The following CACNA1C variants were observed in gnomAD, a reference collection of about 807,000 sequenced individuals.
The protein encoded by CACNA1C is voltage-dependent L-type calcium channel subunit alpha-1C.
A neutral mutation model predicts 229.0 loss-of-function variants in CACNA1C; 30 were observed. That is an observed-to-expected ratio of 0.13 (90% CI 0.10 to 0.18). The LOEUF (loss-of-function observed/expected upper bound fraction) is 0.18, where lower values mean the gene tolerates loss of function less well. Among genes scored for constraint, CACNA1C ranks in the 10% least tolerant of loss-of-function variants. The pLI is 1.00. For missense variants in CACNA1C, 1,658 were observed against 2,845.0 expected, an observed-to-expected ratio of 0.58 and a Z score of 9.49; for synonymous variants, 1,114 against 1,132.5, an observed-to-expected ratio of 0.98 and a Z score of 0.33.
intron 3 of CACNA1C, among the ~76,000 whole-genome samples, chr12:2,345,935 C>T (rs983414478): frequency 1.3e-5 from 2 of 152,196 alleles, no homozygotes; most frequent in East Asian, 1.9e-4. Flanking sequence ...GAAACCCACT[C>T]GCCTCCTCAG....
At chr12:2,362,647 C>T (rs1329833226) in intron 3 of CACNA1C, among the ~76,000 whole-genome samples, 1 of 152,192 alleles carries the variant, frequency 6.6e-6, no homozygotes, top group Admixed American at 6.5e-5. Flanking sequence ...GTGGAAGGCA[C>T]AGTAGGCACT....
chr12:2,250,495 A>G (rs576120443), intron 3 of CACNA1C, among the ~76,000 whole-genome samples: 3 of 152,306 alleles, frequency 2.0e-5, no homozygotes, highest in South Asian at 2.1e-4. Flanking sequence ...TTTTACATCC[A>G]TGATCTCATT....
At chr12:2,301,736 CTG>C (rs1592139318) in intron 3 of CACNA1C, among the ~76,000 whole-genome samples, 2 of 152,302 alleles carry the variant, frequency 1.3e-5, no homozygotes, top group East Asian at 1.9e-4. Flanking sequence ...TCCTGCCAGA[CTG>C]AGCCTGAAGG....
At position 2,135,964 on chromosome 12, in the gene CACNA1C, G is replaced by A. The variant is rs936831162; in HGVS notation, c.477+15534G>A. On this transcript the variant is annotated intron_variant, in intron 3 of 46. Coordinates refer to ENST00000399655, the MANE Select transcript of CACNA1C (RefSeq NM_000719.7). ...CTGTGCTAGCAATCAGCGAGACTCCGTGGGCGTAGGACCCTCCGAGCCAGG... is the reference window on the plus strand; with the variant it reads ...CTGTGCTAGCAATCAGCGAGACTCCATGGGCGTAGGACCCTCCGAGCCAGG... Among the ~76,000 whole-genome samples the A allele has an allele frequency of 5.1e-4, 76 of 149,734 alleles. 5 individuals are homozygous for A. Among genetic ancestry groups the A allele is most frequent in the Non-Finnish European group, 7.1e-4 (48 of 67,312 alleles).
At chr12:2,135,352 A>AGCTGCGTTCCTTTGGAGGAGGAGAGGC (rs2093182236) in intron 3 of CACNA1C, among the ~76,000 whole-genome samples, 2 of 146,232 alleles carry the variant, frequency 1.4e-5, no homozygotes, top group Admixed American at 6.8e-5. Context: ...GCTGGTGAGG[A>AGCTGCGTTCCTTTGGAGGAGGAGAGGC]GCTGCGTTCC....
At chr12:2,450,684 G>A (rs1231178674) in intron 4 of CACNA1C, among the ~76,000 whole-genome samples, 1 of 150,710 alleles carries the variant, frequency 6.6e-6, no homozygotes, top group Non-Finnish European at 1.5e-5. Context: ...CTAATCCCTT[G>A]TTACTCTGAG....
At chr12:2,202,791 C>T (rs887177319) in intron 3 of CACNA1C, among the ~76,000 whole-genome samples, 1 of 152,112 alleles carries the variant, frequency 6.6e-6, no homozygotes, top group Non-Finnish European at 1.5e-5. Context: ...GTCCTCTTCC[C>T]CATGAGCGGA....
At chr12:2,258,094 T>C (rs539466811) in intron 3 of CACNA1C, among the ~76,000 whole-genome samples, 69 of 152,364 alleles carry the variant, frequency 4.5e-4, no homozygotes, top group African/African-American at 1.5e-3. Flanking sequence ...CCTGCTGTGT[T>C]TGGGGTCTGC....
intron 3 of CACNA1C, among the ~76,000 whole-genome samples, chr12:2,219,705 T>G (rs1360312285): frequency 1.3e-5 from 2 of 152,204 alleles, no homozygotes; most frequent in African/African-American, 2.4e-5. Context: ...TGAATGACTA[T>G]GAAAGTTTCT....
intron 9 of CACNA1C, among the ~76,000 whole-genome samples, chr12:2,539,872 T>A (rs1204670667): frequency 1.3e-5 from 2 of 149,598 alleles, no homozygotes; most frequent in African/African-American, 5.0e-5. Context: ...AAGGAGGGTT[T>A]CATAAAGATG....
chr12:2,675,613 C>A lies in CACNA1C; in HGVS notation c.4828+971C>A, dbSNP rs2096767598. On this transcript the variant is annotated intron_variant, in intron 39 of 46. Coordinates refer to ENST00000399655, the MANE Select transcript of CACNA1C (RefSeq NM_000719.7). ...CTCTCTTGGCCAAGTTTAAATAATC[C>A]AAAGTATAGTTTTCCTCAATTTACA... Among the ~76,000 whole-genome samples the A allele has an allele frequency of 3.3e-5, 5 of 151,880 alleles. No homozygotes were observed. The South Asian group carries it at 1.0e-3, about 31-fold the overall frequency.
At chr12:2,299,022 A>AT in intron 3 of CACNA1C, among the ~76,000 whole-genome samples, 1 of 152,342 alleles carries the variant, frequency 6.6e-6, no homozygotes, top group East Asian at 1.9e-4. Context: ...TAGTGAGGGC[A>AT]TTAAAACATT....
chr12:2,653,706 G>A lies in CACNA1C; in HGVS notation c.4075-129G>A. On this transcript the variant is annotated intron_variant, in intron 32 of 46. Coordinates refer to ENST00000399655, the MANE Select transcript of CACNA1C (RefSeq NM_000719.7). The surrounding 1 kb of genome is among the most constrained non-coding windows in gnomAD (Gnocchi z 4.7). Reference sequence around the variant, plus strand: ...TCCCCGTAGTCCTGTGGGACTCTTGGAAGTGTCCCCCGGCCCAAACCGGGC... The same window carrying A: ...TCCCCGTAGTCCTGTGGGACTCTTGAAAGTGTCCCCCGGCCCAAACCGGGC... 1 of 739,072 alleles carries A rather than the reference G, an allele frequency of 1.4e-6. No individual in the cohort carries two copies. Among genetic ancestry groups the A allele is most frequent in the Non-Finnish European group, 2.4e-6 (1 of 423,428 alleles). 45.8% of individuals were successfully genotyped at this position (739,072 alleles called of 1,614,324 possible). A position where few individuals can be genotyped will look rare whatever the true frequency, so the allele number is the denominator to read the frequency against.
intron 3 of CACNA1C, among the ~76,000 whole-genome samples, chr12:2,391,237 T>C (rs2098474490): frequency 6.6e-6 from 1 of 152,182 alleles, no homozygotes; most frequent in Non-Finnish European, 1.5e-5. Flanking sequence ...GTGTTTGTGG[T>C]GCATCCACAC....
rs1184022807 is a variant in CACNA1C at position 2,678,111 on chromosome 12, G to T, written c.5091+244G>T. Reference sequence around the variant, plus strand: ...TCACTGGCTCTCAGAGAAGCGGGAAGGAACCGCCTTCCTAAGGGAAATGTT... The same window carrying T: ...TCACTGGCTCTCAGAGAAGCGGGAATGAACCGCCTTCCTAAGGGAAATGTT... On this transcript the variant is annotated intron_variant, in intron 41 of 46. Coordinates refer to ENST00000399655, the MANE Select transcript of CACNA1C (RefSeq NM_000719.7). The surrounding 1 kb of genome is among the most constrained non-coding windows in gnomAD (Gnocchi z 4.1). Among the ~76,000 whole-genome samples the T allele has an allele frequency of 1.3e-5, 2 of 152,190 alleles. No homozygotes were observed. Among genetic ancestry groups the T allele is most frequent in the Non-Finnish European group, 2.9e-5 (2 of 68,032 alleles).
At chr12:2,290,617 T>C (rs575856578) in intron 3 of CACNA1C, among the ~76,000 whole-genome samples, 2 of 152,320 alleles carry the variant, frequency 1.3e-5, no homozygotes, top group East Asian at 3.9e-4. Flanking sequence ...TGATTAATTG[T>C]ACTGTCCATG....
At position 2,467,739 on chromosome 12, in the gene CACNA1C, G is replaced by A. The variant is rs1346115994; in HGVS notation, c.757+10033G>A. ...CCGGTGTCTCCTGATCTCCCAGTGTGGACGGTCTTTCCCCTTGACTGCTGC... is the reference window on the plus strand; with the variant it reads ...CCGGTGTCTCCTGATCTCCCAGTGTAGACGGTCTTTCCCCTTGACTGCTGC... On this transcript the variant is annotated intron_variant, in intron 5 of 46. Coordinates refer to ENST00000399655, the MANE Select transcript of CACNA1C (RefSeq NM_000719.7). This position sits in a 1 kb window ranked among gnomAD's most constrained non-coding sequence, Gnocchi z 4.6. Among the ~76,000 whole-genome samples, 1 of 152,176 alleles carries A rather than the reference G, an allele frequency of 6.6e-6. No individual in the cohort carries two copies. Among genetic ancestry groups the A allele is most frequent in the Non-Finnish European group, 1.5e-5 (1 of 68,018 alleles).
At position 2,585,303 on chromosome 12, in the gene CACNA1C, C is replaced by T. The variant is rs1224222954; in HGVS notation, c.2340-73C>T. 1.9e-5 allele frequency: 29 copies of T among 1,488,080 alleles called. No individual in the cohort carries two copies. The highest frequency in any genetic ancestry group is 2.4e-5 in the Non-Finnish European group (27 of 1,104,422). 92.2% of individuals were successfully genotyped at this position (1,488,080 alleles called of 1,614,324 possible). A position where few individuals can be genotyped will look rare whatever the true frequency, so the allele number is the denominator to read the frequency against. On this transcript the variant is annotated intron_variant, in intron 16 of 46. Coordinates refer to ENST00000399655, the MANE Select transcript of CACNA1C (RefSeq NM_000719.7). The surrounding 1 kb of genome is among the most constrained non-coding windows in gnomAD (Gnocchi z 4.1). ...CCTCTGGCCCCAACAGGCCACAGGG[C>T]GGTTCCCTCCTACACTGTTCCCTAT...
chr12:2,000,002 G>A (rs2041823562), intron 1 of CACNA1C, among the ~76,000 whole-genome samples: 1 of 152,052 alleles, frequency 6.6e-6, no homozygotes, highest in Non-Finnish European at 1.5e-5. Context: ...CCTATCTGCT[G>A]ACAAATGTAT....
Sources: allele counts gnomAD v4.1 joint callset (sites outside exome capture counted in the v4.1 genomes callset), GRCh38; gene constraint gnomAD v4.1.1; non-coding constraint Gnocchi (gnomAD v3.1); transcripts MANE v1.5; gene names NCBI Gene and HGNC (gene_info 2026-07-23, HGNC 2026-07-21).